Variants in GTF2IRD1 observed in about 807,000 individuals in gnomAD.
GTF2IRD1 encodes general transcription factor II-I repeat domain-containing protein 1.
GTF2IRD1 carries 26 observed loss-of-function variants against 113.2 expected under a neutral mutation model. That is an observed-to-expected ratio of 0.23 (90% CI 0.17 to 0.32). The LOEUF (loss-of-function observed/expected upper bound fraction) is 0.32. Ranked by LOEUF, GTF2IRD1 falls within the 10% of genes least tolerant of loss-of-function variation. The probability of loss-of-function intolerance (pLI) is 1.00; values close to 1 mark genes in which losing one functional copy is unlikely to be tolerated. For synonymous variants in GTF2IRD1, 484 were observed against 529.1 expected (o/e 0.91, Z 1.17); for missense variants, 864 against 1,280.8 (o/e 0.67, Z 4.97).
intron 1 of GTF2IRD1, among the ~76,000 whole-genome samples, chr7:74,503,245 G>A (rs1211533539): frequency 1.1e-4 from 16 of 152,160 alleles, no homozygotes; most frequent in African/African-American, 3.1e-4. Flanking sequence ...ACAGGAGCCC[G>A]GGCACTGAAC....
chr7:74,594,809 G>A (rs1198904182), intron 24 of GTF2IRD1, among the ~76,000 whole-genome samples: 3 of 151,756 alleles, frequency 2.0e-5, no homozygotes, highest in Non-Finnish European at 2.9e-5. Context: ...AAACTTAGCC[G>A]GGCATGGTGG....
At chr7:74,501,354 G>A (rs962989359) in intron 1 of GTF2IRD1, among the ~76,000 whole-genome samples, 1 of 152,204 alleles carries the variant, frequency 6.6e-6, no homozygotes, top group Non-Finnish European at 1.5e-5. Flanking sequence ...CTTGTGGTGG[G>A]GTCTTCAGGT....
chr7:74,544,042 C>T (rs1798783776), intron 14 of GTF2IRD1, among the ~76,000 whole-genome samples: 1 of 152,126 alleles, frequency 6.6e-6, no homozygotes, highest in Admixed American at 6.6e-5. Flanking sequence ...GAGCAAGACC[C>T]AGGAAAAAGC....
chr7:74,559,623 C>T lies in GTF2IRD1; in HGVS notation c.2292-4C>T. The T allele has an allele frequency of 6.3e-7, 1 of 1,593,586 alleles. No individual in the cohort carries two copies. The highest frequency in any genetic ancestry group is 1.1e-5 in the South Asian group (1 of 87,606). ...TGACACCCCTGCCTCTGTTTCTCTT[C>T]TAGGCCTTTCCAAGGACTCATCCCA... On this transcript the variant is annotated splice_polypyrimidine_tract_variant and splice_region_variant and intron_variant, in intron 21 of 26. Transcript: ENST00000424337.
intron 5 of GTF2IRD1, among the ~76,000 whole-genome samples, chr7:74,518,678 A>G (rs1797095768): frequency 6.6e-6 from 1 of 151,976 alleles, no homozygotes; most frequent in Non-Finnish European, 1.5e-5. Flanking sequence ...CCAGGAGTTC[A>G]AGACCAGCCT....
intron 1 of GTF2IRD1, among the ~76,000 whole-genome samples, chr7:74,496,404 T>C (rs1335201506): frequency 1.4e-5 from 2 of 147,706 alleles, no homozygotes; most frequent in African/African-American, 5.1e-5. Flanking sequence ...TGGGTGTGTG[T>C]GCATGTGGGT....
At chr7:74,534,252 A>G (rs1372227706) in intron 9 of GTF2IRD1, among the ~76,000 whole-genome samples, 1 of 152,226 alleles carries the variant, frequency 6.6e-6, no homozygotes, top group Non-Finnish European at 1.5e-5. Context: ...TGAGCAGATT[A>G]GACCCTCCAA....
At chr7:74,517,001 T>TTTGTTG (rs374786237) in intron 4 of GTF2IRD1, among the ~76,000 whole-genome samples, 340 of 90,236 alleles carry the variant, frequency 3.8e-3, no homozygotes, top group African/African-American at 0.013. Flanking sequence ...CTCTCCTGTC[T>TTTGTTG]TTGTTGTTGT....
At chr7:74,590,024 A>G in intron 23 of GTF2IRD1, 96 bp downstream of exon 23, 1 of 737,676 alleles carries the variant, frequency 1.4e-6, no homozygotes, top group South Asian at 1.6e-5. Flanking sequence ...AGGAGCCCCC[A>G]GCTGGCTGCC....
At chr7:74,553,608 C>T (rs1266104470) in intron 17 of GTF2IRD1, among the ~76,000 whole-genome samples, 4 of 152,140 alleles carry the variant, frequency 2.6e-5, no homozygotes, top group East Asian at 1.9e-4. Flanking sequence ...TTTAAAGTCA[C>T]GATGGCTTTC....
chr7:74,492,149 A>G (rs982360174), intron 1 of GTF2IRD1, among the ~76,000 whole-genome samples: 9 of 149,626 alleles, frequency 6.0e-5, no homozygotes, highest in East Asian at 3.9e-4. Flanking sequence ...GATTACAGGC[A>G]CACACTACCA....
chr7:74,590,065 T>C, intron 23 of GTF2IRD1, 137 bp downstream of exon 23: 1 of 607,790 alleles, frequency 1.6e-6, no homozygotes, highest in Middle Eastern at 4.5e-4. Flanking sequence ...GCTCTGCCCA[T>C]GACCCACGTT....
chr7:74,535,226 C>T (rs919748114), intron 10 of GTF2IRD1, 88 bp downstream of exon 10: 4 of 1,008,938 alleles, frequency 4.0e-6, no homozygotes, highest in East Asian at 2.4e-5. Flanking sequence ...ACTTGGTCCT[C>T]CTGAGCGCCT....
chr7:74,483,262 C>G (rs1230764532), intron 1 of GTF2IRD1, among the ~76,000 whole-genome samples: 1 of 152,020 alleles, frequency 6.6e-6, no homozygotes, highest in Non-Finnish European at 1.5e-5. Flanking sequence ...TTATTTAGGC[C>G]GGTCACAGTG....
intron 1 of GTF2IRD1, among the ~76,000 whole-genome samples, chr7:74,456,088 C>G (rs1792955478): frequency 6.6e-6 from 1 of 152,130 alleles, no homozygotes; most frequent in South Asian, 2.1e-4. Context: ...CCCAGGAGCC[C>G]GGCTAGCCTT....
chr7:74,527,068 G>C (rs1243985285), intron 8 of GTF2IRD1, among the ~76,000 whole-genome samples: 1 of 152,180 alleles, frequency 6.6e-6, no homozygotes, highest in African/African-American at 2.4e-5. Context: ...ACAGGGAGGG[G>C]CCTGAGGAAC....
chr7:74,491,996 TTTG>T (rs1275296425), intron 1 of GTF2IRD1, among the ~76,000 whole-genome samples: 41 of 109,866 alleles, frequency 3.7e-4, no homozygotes, highest in African/African-American at 1.5e-3. Flanking sequence ...TTCTTGTTCG[TTTG>T]TTTTTGTTTT....
At chr7:74,580,113 G>A (rs2267815) in intron 22 of GTF2IRD1, among the ~76,000 whole-genome samples, 123,495 of 152,088 alleles carry the variant, frequency 0.81, 50,321 homozygotes, top group East Asian at 0.92. Context: ...AAACCTGTGC[G>A]CAGGCCCTAC....
intron 22 of GTF2IRD1, among the ~76,000 whole-genome samples, chr7:74,581,923 C>T (rs1554366254): frequency 6.6e-6 from 1 of 152,154 alleles, no homozygotes; most frequent in African/African-American, 2.4e-5. Flanking sequence ...TGGAGGATGG[C>T]TTCAGCTCAG....
Sources: gnomAD v4.1 joint callset for allele counts (sites outside exome capture counted in the v4.1 genomes callset) on GRCh38, gnomAD v4.1.1 for gene constraint, MANE v1.5 for transcripts, NCBI Gene and HGNC (gene_info 2026-07-23, HGNC 2026-07-21) for gene names.